KATNAL2: variants seen among roughly 807,000 people sequenced by gnomAD.
The protein encoded by KATNAL2 is katanin p60 ATPase-containing subunit A-like 2.
A neutral mutation model predicts 76.3 loss-of-function variants in KATNAL2; 52 were observed. The ratio of observed to expected loss-of-function variants is 0.68; its 90% CI spans 0.55 to 0.86. The LOEUF is 0.86. Ranked by LOEUF, KATNAL2 falls within the 40% of genes least tolerant of loss-of-function variation. The probability of loss-of-function intolerance (pLI) is 0.00; values close to 1 mark genes in which losing one functional copy is unlikely to be tolerated. For missense variants in KATNAL2, 660 were observed against 668.9 expected (o/e 0.99, Z 0.15); for synonymous variants, 243 against 244.2 (o/e 1.00, Z 0.05).
intron 2 of KATNAL2, 87 bp from the exon 3 acceptor site, chr18:46,946,767 A>G (rs766878336): frequency 2.3e-6 from 3 of 1,283,000 alleles, no homozygotes; most frequent in African/African-American, 1.5e-5. Flanking sequence ...GCTCTAGCCA[A>G]TCCGGAAAGG....
intron 1 of KATNAL2, among the ~76,000 whole-genome samples, chr18:46,936,200 G>T (rs2059085765): frequency 6.6e-6 from 1 of 152,034 alleles, no homozygotes; most frequent in African/African-American, 2.4e-5. Flanking sequence ...ATAGATTTTT[G>T]AAATGACATG....
intron 3 of KATNAL2, among the ~76,000 whole-genome samples, chr18:46,961,992 C>G (rs928880427): frequency 1.2e-4 from 19 of 152,318 alleles, no homozygotes; most frequent in African/African-American, 4.6e-4. Context: ...TATCTTCAGG[C>G]ATTAACATTT....
intron 6 of KATNAL2, among the ~76,000 whole-genome samples, chr18:47,055,287 A>G (rs1303803720): frequency 2.6e-5 from 4 of 152,238 alleles, no homozygotes; most frequent in Non-Finnish European, 5.9e-5. Flanking sequence ...CCTCATGGAA[A>G]GACACAGCCA....
intron 1 of KATNAL2, among the ~76,000 whole-genome samples, chr18:46,936,583 A>C (rs547721446): frequency 3.3e-5 from 5 of 152,256 alleles, no homozygotes; most frequent in African/African-American, 1.2e-4. Flanking sequence ...CAAATGAATA[A>C]TCTAGGGGTC....
chr18:46,947,744 C>G (rs2059423945), intron 3 of KATNAL2, among the ~76,000 whole-genome samples: 1 of 152,152 alleles, frequency 6.6e-6, no homozygotes, highest in Non-Finnish European at 1.5e-5. Context: ...AACCACAGCT[C>G]TAGTATCTCC....
At position 46,942,104 on chromosome 18, in the gene KATNAL2, C is replaced by T. The variant is rs147609074; in HGVS notation, c.-509-3953C>T. Among the ~76,000 whole-genome samples, 566 of 152,184 alleles carry T rather than the reference C, an allele frequency of 3.7e-3. 1 individual carries two copies. The highest frequency in any genetic ancestry group is 6.0e-3 in the Non-Finnish European group (407 of 68,016). On this transcript the variant is annotated intron_variant, in intron 1 of 17. Coordinates refer to ENST00000683218, the MANE Select transcript of KATNAL2 (RefSeq NM_001387690.1). ...GAGTAGGTAATCGAAAAAGGTTGCT[C>T]TATGAGGAAGTTAAGTTTAAAAGTA...
chr18:46,933,258 C>T (rs557061996), intron 1 of KATNAL2, among the ~76,000 whole-genome samples: 46 of 151,908 alleles, frequency 3.0e-4, no homozygotes, highest in Admixed American at 1.4e-3. Flanking sequence ...ATCTAGATGA[C>T]GATATTCAAG....
Position 46,946,245 on chromosome 18 carries a change from G to A in KATNAL2, c.-321G>A. ...AAAAAAATAGAGCAGAGGAAAACAC[G>A]TCCATGTTTTTCCACGTCTAATGAG... On this transcript the variant is annotated 5_prime_UTR_variant, in exon 2 of 18. Transcript: ENST00000683218. The A allele has an allele frequency of 9.1e-7, 1 of 1,101,916 alleles. No homozygotes were observed. Among genetic ancestry groups the A allele is most frequent in the Non-Finnish European group, 1.1e-6 (1 of 894,506 alleles). The allele number at this position is 1,101,916 out of a possible 1,614,324, so 68.3% of individuals were successfully genotyped here. A position where few individuals can be genotyped will look rare whatever the true frequency, so the allele number is the denominator to read the frequency against.
intron 15 of KATNAL2, among the ~76,000 whole-genome samples, chr18:47,086,501 G>C (rs966299028): frequency 2.6e-5 from 4 of 152,166 alleles, no homozygotes; most frequent in Non-Finnish European, 5.9e-5. Context: ...ATTTTTAGTA[G>C]AGGTGGGGTT....
intron 1 of KATNAL2, among the ~76,000 whole-genome samples, chr18:46,945,207 G>A (rs900327190): frequency 6.6e-6 from 1 of 152,144 alleles, no homozygotes; most frequent in African/African-American, 2.4e-5. Flanking sequence ...TCATATCAAA[G>A]AATCACATTT....
intron 6 of KATNAL2, among the ~76,000 whole-genome samples, chr18:47,056,946 C>A (rs2061488829): frequency 6.6e-6 from 1 of 151,778 alleles, no homozygotes; most frequent in Non-Finnish European, 1.5e-5. Flanking sequence ...TATTTTTGTG[C>A]CAGCAAAAGG....
rs752837738 is a variant in KATNAL2 at position 47,085,403 on chromosome 18, C to G, written c.1211+7942C>G. Among the ~76,000 whole-genome samples the G allele has an allele frequency of 7.2e-4, 110 of 152,198 alleles. 2 individuals carry two copies. Among genetic ancestry groups the G allele is most frequent in the Admixed American group, 2.6e-4 (4 of 15,276 alleles). ...CGTTTATAGTTTAAATGATAATAAC[C>G]CTTTTTGAAAACTATGTGGCCTTCC... On this transcript the variant is annotated intron_variant, in intron 15 of 17. Coordinates refer to ENST00000683218, the MANE Select transcript of KATNAL2 (RefSeq NM_001387690.1).
In KATNAL2 at chr18:46,946,769, C is replaced by G; in HGVS notation, c.-19-85C>G. 2.3e-6 allele frequency: 3 copies of G among 1,304,748 alleles called. No homozygotes were observed. The South Asian group carries it at 3.8e-5, about 17-fold the overall frequency. 80.8% of individuals were successfully genotyped at this position (1,304,748 alleles called of 1,614,324 possible). ...CGGGCGTGTCTGGGCTCTAGCCAAT[C>G]CGGAAAGGGGCGGGCTGGTTAAGCG... On this transcript the variant is annotated intron_variant, in intron 2 of 17. Transcript: ENST00000683218.
chr18:47,087,613 G>C (rs2062829268), intron 15 of KATNAL2, among the ~76,000 whole-genome samples: 1 of 152,100 alleles, frequency 6.6e-6, no homozygotes, highest in Non-Finnish European at 1.5e-5. Flanking sequence ...CTTTGTGCCT[G>C]ACTGATGAAA....
At chr18:46,953,772 T>C (rs554483049) in intron 3 of KATNAL2, among the ~76,000 whole-genome samples, 1 of 151,812 alleles carries the variant, frequency 6.6e-6, no homozygotes, top group East Asian at 1.9e-4. Context: ...AAAAAAGATA[T>C]AAAAAATGAG....
Position 47,035,288 on chromosome 18 carries a change from G to A in KATNAL2, c.52-11169G>A, listed in dbSNP as rs192207549. The A allele has an allele frequency of 5.0e-6, 8 of 1,612,036 alleles. No individual in the cohort carries two copies. In the East Asian group the frequency reaches 1.3e-4, roughly 27 times the overall value. ...ATCTCACCAGAGCTGTGCAGGCGTCGCTGTCCCGGCGGTCGCAGCTCTGTC... is the reference window on the plus strand; with the variant it reads ...ATCTCACCAGAGCTGTGCAGGCGTCACTGTCCCGGCGGTCGCAGCTCTGTC... On this transcript the variant is annotated intron_variant, in intron 3 of 17. Transcript: ENST00000683218.
intron 3 of KATNAL2, among the ~76,000 whole-genome samples, chr18:46,961,007 G>A (rs2059923696): frequency 6.6e-6 from 1 of 152,146 alleles, no homozygotes; most frequent in African/African-American, 2.4e-5. Context: ...CACGTTAAAG[G>A]GTCATGATAG....
chr18:46,946,277 T>G lies in KATNAL2; in HGVS notation c.-289T>G. On this transcript the variant is annotated 5_prime_UTR_variant, in exon 2 of 18. Transcript: ENST00000683218. ...TTTTTCCACGTCTAATGAGAACAGG[T>G]CTGATGTGAAAGGAATTGGAGGAGA... 1 of 1,084,784 alleles carries G rather than the reference T, an allele frequency of 9.2e-7. No homozygotes were observed. The highest frequency in any genetic ancestry group is 1.1e-6 in the Non-Finnish European group (1 of 885,646). 67.2% of individuals were successfully genotyped at this position (1,084,784 alleles called of 1,614,324 possible). A position where few individuals can be genotyped will look rare whatever the true frequency, so the allele number is the denominator to read the frequency against.
chr18:46,953,077 G>C (rs887897996), intron 3 of KATNAL2, among the ~76,000 whole-genome samples: 1 of 151,520 alleles, frequency 6.6e-6, no homozygotes, highest in Non-Finnish European at 1.5e-5. Context: ...TTAAGTTTTA[G>C]TAGAGACGGG....
Sources: gnomAD v4.1 joint callset for allele counts (sites outside exome capture counted in the v4.1 genomes callset) on GRCh38, gnomAD v4.1.1 for gene constraint, MANE v1.5 for transcripts, NCBI Gene and HGNC (gene_info 2026-07-23, HGNC 2026-07-21) for gene names.